The following C12orf42 variants were observed in gnomAD, a reference collection of about 807,000 sequenced individuals.
C12orf42 encodes the protein uncharacterized protein C12orf42.
A neutral mutation model predicts 21.6 loss-of-function variants in C12orf42; 25 were observed. The ratio of observed to expected loss-of-function variants is 1.16; its 90% CI spans 0.84 to 1.62. The LOEUF (loss-of-function observed/expected upper bound fraction) is 1.62, where lower values mean the gene tolerates loss of function less well. C12orf42 is among the 40% of genes most tolerant of loss of function. C12orf42 has a pLI of 0.00. For synonymous variants in C12orf42, 174 were observed against 175.0 expected, an observed-to-expected ratio of 0.99 and a Z score of 0.05; for missense variants, 483 against 459.3, an observed-to-expected ratio of 1.05 and a Z score of -0.47.
At chr12:103,284,054 C>T (rs905598806) in intron 4 of C12orf42, among the ~76,000 whole-genome samples, 4 of 152,142 alleles carry the variant, frequency 2.6e-5, no homozygotes, top group Non-Finnish European at 5.9e-5. Context: ...GTGGCAGAAT[C>T]TTGTCAATAA....
chr12:103,457,589 T>C (rs1329814158), intron 2 of C12orf42, among the ~76,000 whole-genome samples: 1 of 152,192 alleles, frequency 6.6e-6, no homozygotes, highest in Non-Finnish European at 1.5e-5. Context: ...TGTGTCTGTT[T>C]TTAAATTACA....
At chr12:103,224,973 T>C in the C12orf42 span, among the ~76,000 whole-genome samples, 1 of 152,160 alleles carries the variant, frequency 6.6e-6, no homozygotes, top group Non-Finnish European at 1.5e-5. Flanking sequence ...ATGAGAATTA[T>C]GCCGAGATAG....
chr12:103,479,124 C>T (rs1334051664), intron 1 of C12orf42, among the ~76,000 whole-genome samples: 2 of 151,998 alleles, frequency 1.3e-5, no homozygotes, highest in African/African-American at 4.8e-5. Context: ...TTAGGATTTG[C>T]AGAGTATTCT....
In C12orf42 at chr12:103,294,583, GGAAAGAAAGAAAGAAAGAAAGAAAGAAA is replaced by G. The variant is rs60577440; in HGVS notation, n.338-17401_338-17374del. On this transcript the variant is annotated intron_variant and non_coding_transcript_variant, in intron 4 of 6. Coordinates refer to the C12orf42 transcript ENST00000546526. ...AAAGAAAAAGAAAGGAAGGAAGGAAGGAAAGAAAGAAAGAAAGAAAGAAAGAAAGAAAGAAAGAAAGAAAGAAAGAAAG... is the reference window on the plus strand; with the variant it reads ...AAAGAAAAAGAAAGGAAGGAAGGAAGGAAAGAAAGAAAGAAAGAAAGAAAG... 4.4e-4 allele frequency among the ~76,000 whole-genome samples: 35 copies of G among 80,356 alleles called. No homozygotes were observed. The East Asian group carries it at 7.6e-3, about 17-fold the overall frequency. The allele number at this position is 80,356 out of a possible 152,430, so 52.7% of individuals were successfully genotyped here. A position where few individuals can be genotyped will look rare whatever the true frequency, so the allele number is the denominator to read the frequency against.
At chr12:103,239,864 A>G (rs1460244951) in intron 10 of C12orf42, among the ~76,000 whole-genome samples, 1 of 152,198 alleles carries the variant, frequency 6.6e-6, no homozygotes, top group African/African-American at 2.4e-5. Context: ...AACTAGAGAC[A>G]AAGTGCTCCT....
intron 4 of C12orf42, among the ~76,000 whole-genome samples, chr12:103,285,445 C>G (rs1218876161): frequency 6.6e-6 from 1 of 152,168 alleles, no homozygotes; most frequent in African/African-American, 2.4e-5. Context: ...TGGAATATAC[C>G]TCTTTCTAGT....
At position 103,416,229 on chromosome 12, in the gene C12orf42, G is replaced by GT. The variant is rs199823252; in HGVS notation, c.79-14555dup. Among the ~76,000 whole-genome samples, 200 of 89,774 alleles carry GT rather than the reference G, an allele frequency of 2.2e-3. 2 individuals carry two copies. Among genetic ancestry groups the GT allele is most frequent in the Non-Finnish European group, 5.0e-3 (173 of 34,798 alleles). 58.9% of individuals were successfully genotyped at this position (89,774 alleles called of 152,430 possible). ...AAAATTCATATAAAAAGTAATGTAG[G>GT]TTAAAAAAAAAGGGTTGTGACTCCC... is the stretch of plus-strand genomic sequence containing the variant. On this transcript the variant is annotated intron_variant, in intron 2 of 5. Transcript: ENST00000548883.
At chr12:103,199,838 T>G in the C12orf42 span, among the ~76,000 whole-genome samples, 1 of 152,096 alleles carries the variant, frequency 6.6e-6, no homozygotes, top group South Asian at 2.1e-4. Context: ...AGATAAATAC[T>G]GGTGAAAATT....
chr12:103,300,918 T>C (rs1055938989), downstream of C12orf42, among the ~76,000 whole-genome samples: 1 of 152,310 alleles, frequency 6.6e-6, no homozygotes, highest in East Asian at 1.9e-4. Context: ...TATTTATTAT[T>C]AAAAAATCAT....
chr12:103,242,548 TA>T, intron 10 of C12orf42, among the ~76,000 whole-genome samples: 1 of 152,116 alleles, frequency 6.6e-6, no homozygotes, highest in East Asian at 1.9e-4. Context: ...TTTTTCTGCT[TA>T]AAAAAATTTA....
At chr12:103,092,577 T>A in the C12orf42 span, among the ~76,000 whole-genome samples, 1 of 152,192 alleles carries the variant, frequency 6.6e-6, no homozygotes, top group African/African-American at 2.4e-5. Flanking sequence ...ATTCTAAGAA[T>A]GCTATTTATT....
At position 103,474,454 on chromosome 12, in the gene C12orf42, A is replaced by ATGTATGTATG. The variant is rs1555212293; in HGVS notation, c.78+3894_78+3895insCATACATACA. Among the ~76,000 whole-genome samples, 1,328 of 149,330 alleles carry ATGTATGTATG rather than the reference A, an allele frequency of 8.9e-3. 6 individuals carry two copies. Among genetic ancestry groups the ATGTATGTATG allele is most frequent in the Middle Eastern group, 0.021 (6 of 292 alleles). On this transcript the variant is annotated intron_variant, in intron 2 of 5. Coordinates refer to ENST00000548883, the MANE Select transcript of C12orf42 (RefSeq NM_198521.5). ...TATGTATGTATACATGTATGTATGT[A>ATGTATGTATG]TGTGTGTGTGTGTGTGTGTGTGTGT... is the stretch of plus-strand genomic sequence containing the variant.
the C12orf42 span, among the ~76,000 whole-genome samples, chr12:103,521,150 G>A: frequency 6.6e-6 from 1 of 152,102 alleles, no homozygotes; most frequent in African/African-American, 2.4e-5. Context: ...ATTAATTCAG[G>A]GACCATTAGT....
the C12orf42 span, among the ~76,000 whole-genome samples, chr12:103,517,182 G>C: frequency 8.5e-5 from 13 of 152,092 alleles, no homozygotes; most frequent in Admixed American, 3.9e-4. Flanking sequence ...TTTGTGTATT[G>C]GTTTTTGGTT....
intron 2 of C12orf42, among the ~76,000 whole-genome samples, chr12:103,454,848 T>C (rs1034961216): frequency 1.3e-5 from 2 of 152,220 alleles, no homozygotes; most frequent in African/African-American, 2.4e-5. Context: ...TCTTGAGACT[T>C]TGAACAGCAC....
chr12:103,550,999 T>G, the C12orf42 span, among the ~76,000 whole-genome samples: 1 of 152,156 alleles, frequency 6.6e-6, no homozygotes, highest in South Asian at 2.1e-4. Context: ...AGTTACATAT[T>G]TATGTACAAT....
chr12:103,056,562 T>C, the C12orf42 span, among the ~76,000 whole-genome samples: 1 of 152,194 alleles, frequency 6.6e-6, no homozygotes, highest in Non-Finnish European at 1.5e-5. Flanking sequence ...TCTCCTTCCA[T>C]GACTCTGAAG....
the C12orf42 span, among the ~76,000 whole-genome samples, chr12:103,109,354 C>CGT: frequency 6.6e-6 from 1 of 151,656 alleles, no homozygotes; most frequent in Non-Finnish European, 1.5e-5. Flanking sequence ...CACGGGTGTG[C>CGT]GTGTGTGTGT....
At chr12:103,185,305 G>T in the C12orf42 span, among the ~76,000 whole-genome samples, 1 of 152,172 alleles carries the variant, frequency 6.6e-6, no homozygotes, top group Non-Finnish European at 1.5e-5. Context: ...TGGTGTTGGA[G>T]AAAGCTCTTC....
Sources: gnomAD v4.1 joint callset for allele counts (sites outside exome capture counted in the v4.1 genomes callset) on GRCh38, gnomAD v4.1.1 for gene constraint, MANE v1.5 for transcripts, NCBI Gene and HGNC (gene_info 2026-07-23, HGNC 2026-07-21) for gene names.